FBXL3: variants seen among roughly 807,000 people sequenced by gnomAD.
FBXL3 encodes F-box/LRR-repeat protein 3.
In FBXL3, 14 loss-of-function variants were observed where a neutral mutation model predicts 37.9. That is an observed-to-expected ratio of 0.37 (90% CI 0.24 to 0.58). The LOEUF is 0.58. Among genes scored for constraint, FBXL3 ranks in the 20% least tolerant of loss-of-function variants. The pLI is 0.74. For synonymous variants in FBXL3, 194 were observed against 180.1 expected, an observed-to-expected ratio of 1.08 and a Z score of -0.62; for missense variants, 327 against 511.1, an observed-to-expected ratio of 0.64 and a Z score of 3.47.
intron 4 of FBXL3, 52 bp downstream of exon 4, chr13:77,015,357 G>A: frequency 7.5e-7 from 1 of 1,329,490 alleles, no homozygotes; most frequent in African/African-American, 1.5e-5. Context: ...TTTCTAATTT[G>A]AACATAGCAA....
chr13:77,018,500 A>G (rs2034684439), intron 3 of FBXL3, 100 bp downstream of exon 3: 1 of 867,736 alleles, frequency 1.2e-6, no homozygotes, highest in South Asian at 3.3e-5. Context: ...TTATGTATAT[A>G]TATAACTTTC....
At chr13:77,021,278 T>C (rs1189794440) in intron 2 of FBXL3, among the ~76,000 whole-genome samples, 2 of 152,220 alleles carry the variant, frequency 1.3e-5, no homozygotes, top group Non-Finnish European at 2.9e-5. Context: ...CAATGACTTA[T>C]GCTTATTTAG....
At chr13:77,010,823 T>A (rs1430719538) in intron 4 of FBXL3, 2 of 152,236 alleles carry the variant, frequency 1.3e-5, no homozygotes, top group South Asian at 4.1e-4. Flanking sequence ...CTTTTAAGAT[T>A]TTAAGCAGAG....
intron 2 of FBXL3, 76 bp downstream of exon 2, chr13:77,021,437 T>C (rs1356051416): frequency 7.3e-6 from 8 of 1,099,442 alleles, no homozygotes; most frequent in Non-Finnish European, 1.0e-5. Context: ...TTTAAAGGCA[T>C]GAGAAGATGT....
rs191047258 is a variant in FBXL3 at position 77,005,645 on chromosome 13, A to G, written c.*1500T>C. ...AGCATATCATCACTTTTGGAAAGCA[A>G]AAATTATGTAGAAAATCACCTTTTG... On this transcript the variant is annotated 3_prime_UTR_variant, in exon 5 of 5. Coordinates refer to ENST00000355619, the MANE Select transcript of FBXL3 (RefSeq NM_012158.4). 1 of 152,262 alleles carries G rather than the reference A, an allele frequency of 6.6e-6. No individual in the cohort carries two copies. Among genetic ancestry groups the G allele is most frequent in the African/African-American group, 2.4e-5 (1 of 41,570 alleles). The allele number at this position is 152,262 out of a possible 1,614,324, so 9.4% of individuals were successfully genotyped here.
chr13:77,007,101 T>C lies in FBXL3; in HGVS notation c.*44A>G, dbSNP rs1283910253. ...ACTACAGCAAATAAAACTTTAATTA[T>C]AATACATTTGCTTGAAATTAAGGTG... On this transcript the variant is annotated 3_prime_UTR_variant, in exon 5 of 5. Transcript: ENST00000355619. 7.2e-6 allele frequency: 11 copies of C among 1,530,880 alleles called. No individual in the cohort carries two copies. Among genetic ancestry groups the C allele is most frequent in the Non-Finnish European group, 8.7e-6 (10 of 1,145,538 alleles). The allele number at this position is 1,530,880 out of a possible 1,614,324, so 94.8% of individuals were successfully genotyped here. A position where few individuals can be genotyped will look rare whatever the true frequency, so the allele number is the denominator to read the frequency against.
At chr13:77,011,934 T>A (rs977465621) in intron 4 of FBXL3, among the ~76,000 whole-genome samples, 2 of 152,168 alleles carry the variant, frequency 1.3e-5, no homozygotes, top group Non-Finnish European at 2.9e-5. Flanking sequence ...ACTAGGTATG[T>A]ACCTAAGAGA....
At chr13:77,013,700 G>A (rs1459450952) in intron 4 of FBXL3, 1 of 152,124 alleles carries the variant, frequency 6.6e-6, no homozygotes, top group African/African-American at 2.4e-5. Flanking sequence ...AAATGCTCGG[G>A]AAGACTGATT....
At chr13:77,018,315 T>C (rs1043594459) in intron 3 of FBXL3, 26 of 197,384 alleles carry the variant, frequency 1.3e-4, no homozygotes, top group African/African-American at 5.1e-4. Flanking sequence ...TGTCCCTTTT[T>C]TTCTAATATG....
At chr13:77,020,282 G>A (rs558810395) in intron 2 of FBXL3, among the ~76,000 whole-genome samples, 7 of 152,278 alleles carry the variant, frequency 4.6e-5, no homozygotes, top group Non-Finnish European at 1.0e-4. Context: ...TTGATTATCC[G>A]AAATTCAAAT....
intron 4 of FBXL3, among the ~76,000 whole-genome samples, chr13:77,011,866 G>C (rs1007782452): frequency 1.3e-5 from 2 of 152,160 alleles, no homozygotes; most frequent in African/African-American, 4.8e-5. Flanking sequence ...GCTATGTAAA[G>C]TGGTACACAG....
intron 3 of FBXL3, 42 bp downstream of exon 3, chr13:77,018,558 G>T: frequency 2.1e-6 from 3 of 1,461,990 alleles, no homozygotes; most frequent in South Asian, 1.5e-5. Context: ...GACTTTCACT[G>T]AATTTCTCAG....
Position 77,007,428 on chromosome 13 carries a change from A to G in FBXL3, c.1004T>C (p.Val335Ala), listed in dbSNP as rs2034470880. The G allele has an allele frequency of 2.5e-6, 4 of 1,614,080 alleles. No individual in the cohort carries two copies. Among genetic ancestry groups the G allele is most frequent in the Non-Finnish European group, 2.5e-6 (3 of 1,180,054 alleles). ...TCCATTTGCACACACTACTAGTTCA[A>G]CCAGTCTAGGGCATGTCATTCCCAC... The part of the protein sequence containing the change: ...GRVGMTCPRL[V>A]ELVVCANGLR... The change falls in exon 5 of 5, where the codon GTT becomes GCT. Residue 335 changes from valine (V) to alanine (A), a missense_variant. Physicochemically the swap from Val to Ala is moderately conservative, Grantham distance 64. Coordinates refer to ENST00000355619, the MANE Select transcript of FBXL3 (RefSeq NM_012158.4).
chr13:77,007,358 G>A lies in FBXL3; in HGVS notation c.1074C>T (p.Cys358=), dbSNP rs1345563004. 1 of 1,613,996 alleles carries A rather than the reference G, an allele frequency of 6.2e-7. No homozygotes were observed. Among genetic ancestry groups the A allele is most frequent in the Non-Finnish European group, 8.5e-7 (1 of 1,180,038 alleles). The change falls in exon 5 of 5, where the codon TGC becomes TGT. Residue 358 remains cysteine (C), a synonymous_variant. Coordinates refer to ENST00000355619, the MANE Select transcript of FBXL3 (RefSeq NM_012158.4). The part of the protein sequence containing the change: ...DEELIRIAER[C]KNLSAIGLGE... ...CTAGTCCAATAGCTGACAAATTTTT[G>A]CAACGTTCTGCAATGCGAATTAACT...
chr13:77,023,345 A>AGAGAGAGTGT (rs199568005), intron 1 of FBXL3, among the ~76,000 whole-genome samples: 26 of 147,502 alleles, frequency 1.8e-4, no homozygotes, highest in East Asian at 4.0e-4. Flanking sequence ...AGAGAGAGAG[A>AGAGAGAGTGT]GTGTGTGTGT....
At position 77,007,356 on chromosome 13, in the gene FBXL3, T is replaced by C; in HGVS notation, c.1076A>G (p.Lys359Arg). The C allele has an allele frequency of 1.2e-6, 2 of 1,614,200 alleles. No homozygotes were observed. Among genetic ancestry groups the C allele is most frequent in the Non-Finnish European group, 1.7e-6 (2 of 1,180,034 alleles). Reference protein sequence around the residue: ...EELIRIAERCKNLSAIGLGEC... With the variant: ...EELIRIAERCRNLSAIGLGEC... Reference sequence around the variant, plus strand: ...CCCTAGTCCAATAGCTGACAAATTTTTGCAACGTTCTGCAATGCGAATTAA... The same window carrying C: ...CCCTAGTCCAATAGCTGACAAATTTCTGCAACGTTCTGCAATGCGAATTAA... The change falls in exon 5 of 5, where the codon AAA becomes AGA. Residue 359 changes from lysine to arginine, a missense_variant. Transcript: ENST00000355619.
In FBXL3 at chr13:77,012,421, AT is replaced by A. The variant is rs148463592; in HGVS notation, c.643+2987del. Among the ~76,000 whole-genome samples, 588 of 150,378 alleles carry A rather than the reference AT, an allele frequency of 3.9e-3. 2 individuals are homozygous for A. The highest frequency in any genetic ancestry group is 6.9e-3 in the Non-Finnish European group (463 of 67,390). On this transcript the variant is annotated intron_variant, in intron 4 of 4. Coordinates refer to ENST00000355619, the MANE Select transcript of FBXL3 (RefSeq NM_012158.4). The stretch of plus-strand genomic sequence containing the variant: ...AATACAAGCAAACTGCTATAAGCCA[AT>A]TTTTTTTTTAATCACAGCAAAAAAG...
rs535653811 is a variant in FBXL3 at position 77,015,710 on chromosome 13, C to T, written c.472-130G>A. 32 of 521,310 alleles carry T rather than the reference C, an allele frequency of 6.1e-5. 1 individual carries two copies. Among genetic ancestry groups the T allele is most frequent in the African/African-American group, 4.1e-4 (21 of 51,144 alleles). 32.3% of individuals were successfully genotyped at this position (521,310 alleles called of 1,614,324 possible). A position where few individuals can be genotyped will look rare whatever the true frequency, so the allele number is the denominator to read the frequency against. ...TATTTTGTAAATGTTTTAGGGGTGG[C>T]ATCCCTTCACTCTGTTGTTGGGAAT... is the stretch of plus-strand genomic sequence containing the variant. On this transcript the variant is annotated intron_variant, in intron 3 of 4. Coordinates refer to ENST00000355619, the MANE Select transcript of FBXL3 (RefSeq NM_012158.4).
chr13:77,012,104 A>G (rs2034565590), intron 4 of FBXL3, among the ~76,000 whole-genome samples: 1 of 152,206 alleles, frequency 6.6e-6, no homozygotes, highest in Non-Finnish European at 1.5e-5. Flanking sequence ...GCTGGGATGG[A>G]GGTTTTGGGG....
Sources: allele counts gnomAD v4.1 joint callset (sites outside exome capture counted in the v4.1 genomes callset), GRCh38; gene constraint gnomAD v4.1.1; transcripts MANE v1.5; gene names NCBI Gene and HGNC (gene_info 2026-07-23, HGNC 2026-07-21).